The following RNLS variants were observed in gnomAD, a reference collection of about 807,000 sequenced individuals.
RNLS encodes renalase, FAD dependent amine oxidase.
Under a neutral mutation model 39.8 loss-of-function variants are expected in RNLS, and 39 were observed. That is an observed-to-expected ratio of 0.98 (90% CI 0.76 to 1.28). RNLS has a LOEUF of 1.28. Among genes scored for constraint, RNLS ranks in the 50% most tolerant of loss-of-function variants. The pLI is 0.00. For synonymous variants in RNLS, 147 were observed against 150.7 expected, an observed-to-expected ratio of 0.98 and a Z score of 0.18; for missense variants, 410 against 413.3, an observed-to-expected ratio of 0.99 and a Z score of 0.07.
intron 4 of RNLS, among the ~76,000 whole-genome samples, chr10:88,454,949 T>C (rs4934408): frequency 0.073 from 11,122 of 152,286 alleles, 571 homozygotes; most frequent in Admixed American, 0.14. Flanking sequence ...CAGCTATTTA[T>C]TGAATACTGT....
intron 4 of RNLS, among the ~76,000 whole-genome samples, chr10:88,539,634 T>C (rs1425548563): frequency 6.6e-6 from 1 of 152,124 alleles, no homozygotes; most frequent in Admixed American, 6.6e-5. Flanking sequence ...GAACCACAGT[T>C]ATCCCTCAGT....
chr10:88,251,285 C>T, the RNLS span, among the ~76,000 whole-genome samples: 1 of 152,210 alleles, frequency 6.6e-6, no homozygotes, highest in Non-Finnish European at 1.5e-5. Context: ...ATCCTGCACA[C>T]AATGCCTGGC....
At chr10:88,404,338 A>G (rs930257505) in intron 4 of RNLS, among the ~76,000 whole-genome samples, 4 of 152,068 alleles carry the variant, frequency 2.6e-5, no homozygotes, top group African/African-American at 7.2e-5. Context: ...CAAATTGTTT[A>G]ATCATTCTAA....
intron 5 of RNLS, among the ~76,000 whole-genome samples, chr10:88,324,918 GT>G (rs200167843): frequency 0.016 from 2,473 of 152,208 alleles, 41 homozygotes; most frequent in Non-Finnish European, 0.019. Flanking sequence ...TTTGTAACTG[GT>G]TTATTTCACT....
the RNLS span, among the ~76,000 whole-genome samples, chr10:88,203,292 G>A: frequency 2.2e-3 from 28 of 12,964 alleles, 7 homozygotes; most frequent in African/African-American, 0.012. Context: ...ATATATATAC[G>A]TATGTATATA....
At chr10:88,481,395 T>C (rs1844161533) in intron 4 of RNLS, among the ~76,000 whole-genome samples, 1 of 152,290 alleles carries the variant, frequency 6.6e-6, no homozygotes, top group African/African-American at 2.4e-5. Flanking sequence ...ATCCCTTCTT[T>C]ACTGCCTTTT....
At chr10:88,530,078 A>G (rs1269754572) in intron 4 of RNLS, among the ~76,000 whole-genome samples, 3 of 152,202 alleles carry the variant, frequency 2.0e-5, no homozygotes, top group Non-Finnish European at 4.4e-5. Context: ...AAACAATTCG[A>G]GTCAATGCTA....
At chr10:88,348,172 T>G (rs1848440880) in intron 5 of RNLS, among the ~76,000 whole-genome samples, 1 of 152,136 alleles carries the variant, frequency 6.6e-6, no homozygotes, top group South Asian at 2.1e-4. Context: ...GCTGTTTCCT[T>G]TCTCAGTTGG....
chr10:88,284,696 G>T lies in RNLS; in HGVS notation c.*658C>A, dbSNP rs1843150154. 1 of 985,218 alleles carries T rather than the reference G, an allele frequency of 1.0e-6. No homozygotes were observed. The highest frequency in any genetic ancestry group is 1.2e-6 in the Non-Finnish European group (1 of 829,840). 61.0% of individuals were successfully genotyped at this position (985,218 alleles called of 1,614,324 possible). On this transcript the variant is annotated 3_prime_UTR_variant, in exon 7 of 7. Coordinates refer to ENST00000331772, the MANE Select transcript of RNLS (RefSeq NM_001031709.3). ...ATCTTTCATATTAGGACTGGAATTT[G>T]TTTGAAAGTTAAAAAGTACTGTGTG...
chr10:88,370,269 G>A (rs1347615343), intron 4 of RNLS, among the ~76,000 whole-genome samples: 1 of 151,984 alleles, frequency 6.6e-6, no homozygotes, highest in Non-Finnish European at 1.5e-5. Context: ...ACATTATACT[G>A]ACTTTGAGGG....
At position 88,285,242 on chromosome 10, in the gene RNLS, A is replaced by G; in HGVS notation, c.*112T>C. On this transcript the variant is annotated 3_prime_UTR_variant, in exon 7 of 7. Transcript: ENST00000331772. ...TCCACATGAAAAATGATAATAAGTGAAGAACAATTTTCCAGTAATTTTTCT... is the reference window on the plus strand; with the variant it reads ...TCCACATGAAAAATGATAATAAGTGGAGAACAATTTTCCAGTAATTTTTCT... The G allele has an allele frequency of 1.1e-5, 15 of 1,405,656 alleles. No homozygotes were observed. The highest frequency in any genetic ancestry group is 1.4e-5 in the Non-Finnish European group (15 of 1,077,024). The allele number at this position is 1,405,656 out of a possible 1,614,324, so 87.1% of individuals were successfully genotyped here. A position where few individuals can be genotyped will look rare whatever the true frequency, so the allele number is the denominator to read the frequency against.
At chr10:88,419,080 A>T (rs1200864071) in intron 4 of RNLS, among the ~76,000 whole-genome samples, 3 of 152,146 alleles carry the variant, frequency 2.0e-5, no homozygotes, top group African/African-American at 2.4e-5. Flanking sequence ...GGAGGCCTAG[A>T]TTCCTTAGGA....
intron 3 of RNLS, among the ~76,000 whole-genome samples, chr10:88,576,736 AAG>A (rs1850234398): frequency 1.3e-5 from 2 of 152,160 alleles, no homozygotes; most frequent in Admixed American, 1.3e-4. Flanking sequence ...CAAAAGTAAA[AAG>A]AGAGAGAATA....
At chr10:88,416,983 GTCTC>G (rs1263949312) in intron 4 of RNLS, among the ~76,000 whole-genome samples, 2 of 152,184 alleles carry the variant, frequency 1.3e-5, no homozygotes, top group Admixed American at 6.5e-5. Context: ...CTTGTCCTAT[GTCTC>G]TCTATGAGAA....
In RNLS at chr10:88,458,823, G is replaced by A. The variant is rs1842777176; in HGVS notation, c.527-96098C>T. ...GTTCCTCAATTCTAGTTTTGCTTTGGTTTATATTTTAGATGTGAACCTCTA... is the reference window on the plus strand; with the variant it reads ...GTTCCTCAATTCTAGTTTTGCTTTGATTTATATTTTAGATGTGAACCTCTA... On this transcript the variant is annotated intron_variant, in intron 4 of 6. Coordinates refer to ENST00000331772, the MANE Select transcript of RNLS (RefSeq NM_001031709.3). Among the ~76,000 whole-genome samples the A allele has an allele frequency of 1.3e-5, 2 of 152,064 alleles. 1 individual carries two copies. The highest frequency in any genetic ancestry group is 4.1e-4 in the South Asian group (2 of 4,822).
intron 4 of RNLS, among the ~76,000 whole-genome samples, chr10:88,387,502 C>CA (rs5786817): frequency 0.016 from 1,128 of 70,010 alleles, 36 homozygotes; most frequent in East Asian, 0.12. Flanking sequence ...GAGAACAGAG[C>CA]AAAAAAAAAA....
exon 7 of RNLS, chr10:88,274,715 G>T: frequency 2.6e-6 from 1 of 382,356 alleles, no homozygotes; most frequent in Non-Finnish European, 4.9e-6. Context: ...TCCAGATGTG[G>T]AACTGCAGAT....
rs556841315 is a variant in RNLS, at chr10:88,566,598, C to T, written c.526+6305G>A. ...TCAGTAACAGTAAAAGAATACAGGACCTCTTTGAAACAATACCTCAAGGAA... is the reference window on the plus strand; with the variant it reads ...TCAGTAACAGTAAAAGAATACAGGATCTCTTTGAAACAATACCTCAAGGAA... On this transcript the variant is annotated intron_variant, in intron 4 of 6. Coordinates refer to ENST00000331772, the MANE Select transcript of RNLS (RefSeq NM_001031709.3). Among the ~76,000 whole-genome samples the T allele has an allele frequency of 1.1e-4, 16 of 152,168 alleles. No homozygotes were observed. In the South Asian group the frequency reaches 3.3e-3, roughly 32 times the overall value.
At chr10:88,417,743 A>G (rs1169144292) in intron 4 of RNLS, among the ~76,000 whole-genome samples, 1 of 152,206 alleles carries the variant, frequency 6.6e-6, no homozygotes, top group African/African-American at 2.4e-5. Context: ...GAACAAAGAA[A>G]GTGCATTAAA....
Sources: allele counts gnomAD v4.1 joint callset (sites outside exome capture counted in the v4.1 genomes callset), GRCh38; gene constraint gnomAD v4.1.1; transcripts MANE v1.5; gene names NCBI Gene and HGNC (gene_info 2026-07-23, HGNC 2026-07-21).